PTPN14: variants seen among roughly 807,000 people sequenced by gnomAD.
PTPN14 encodes the protein protein tyrosine phosphatase non-receptor type 14.
PTPN14 carries 53 observed loss-of-function variants against 126.8 expected under a neutral mutation model. That is an observed-to-expected ratio of 0.42 (90% CI 0.34 to 0.53). The LOEUF (loss-of-function observed/expected upper bound fraction) is 0.53, where lower values mean the gene tolerates loss of function less well. Ranked by LOEUF, PTPN14 falls within the 20% of genes least tolerant of loss-of-function variation. The pLI is 0.08. For missense variants in PTPN14, 1,257 were observed against 1,552.9 expected (o/e 0.81, Z 3.20); for synonymous variants, 630 against 599.3 (o/e 1.05, Z -0.75).
At chr1:214,380,849 G>A (rs1658456205) in intron 13 of PTPN14, among the ~76,000 whole-genome samples, 1 of 152,156 alleles carries the variant, frequency 6.6e-6, no homozygotes, top group Admixed American at 6.5e-5. Context: ...GACTCATCTT[G>A]GGCTCAAAGC....
At chr1:214,399,385 T>C (rs1658965500) in intron 7 of PTPN14, among the ~76,000 whole-genome samples, 1 of 152,274 alleles carries the variant, frequency 6.6e-6, no homozygotes. Flanking sequence ...AGACAATCTC[T>C]GGATTTTCTC....
At chr1:214,457,513 C>T (rs1156771735) in intron 2 of PTPN14, among the ~76,000 whole-genome samples, 2 of 152,108 alleles carry the variant, frequency 1.3e-5, no homozygotes, top group Non-Finnish European at 1.5e-5. Context: ...CCTTCTTCCA[C>T]TTGTTAAGTT....
intron 17 of PTPN14, among the ~76,000 whole-genome samples, chr1:214,365,152 G>A (rs1469767075): frequency 6.6e-6 from 1 of 152,160 alleles, no homozygotes; most frequent in Non-Finnish European, 1.5e-5. Context: ...CCTCACTGAT[G>A]AGTGAATGTC....
rs779454963 is a variant in PTPN14 at position 214,464,748 on chromosome 1, T to C, written c.56A>G (p.Asn19Ser). Residue 19 changes from asparagine to serine, a missense_variant, in exon 2 of 19, where the codon AAC becomes AGC. Around this residue, in one of 3 missense-constraint regions of PTPN14, gnomAD observed 1,021 missense variants for 1,183.3 expected, o/e 0.86. Transcript: ENST00000366956. ...CAGGCGAATCCGTGTGACAAAGCAG[T>C]TCTTGCTCAGGACGTTGTAGCGCCG... ...RTRRYNVLSK[N>S]CFVTRIRLLD... 2 of 1,614,246 alleles carry C rather than the reference T, an allele frequency of 1.2e-6. No homozygotes were observed. The highest frequency in any genetic ancestry group is 1.7e-6 in the Non-Finnish European group (2 of 1,180,042).
At chr1:214,405,353 C>A (rs1036435705) in intron 5 of PTPN14, among the ~76,000 whole-genome samples, 4 of 152,126 alleles carry the variant, frequency 2.6e-5, no homozygotes, top group Admixed American at 2.6e-4. Flanking sequence ...TTGTCTCCCA[C>A]CCTCTATCAG....
At chr1:214,526,362 A>C (rs1275051752) in intron 1 of PTPN14, among the ~76,000 whole-genome samples, 1 of 152,192 alleles carries the variant, frequency 6.6e-6, no homozygotes, top group African/African-American at 2.4e-5. Context: ...ACCAACAGTA[A>C]TTCAAATACC....
At chr1:214,480,891 G>A (rs1430623292) in intron 1 of PTPN14, among the ~76,000 whole-genome samples, 1 of 152,134 alleles carries the variant, frequency 6.6e-6, no homozygotes, top group East Asian at 1.9e-4. Context: ...TGAAGTGATA[G>A]GTAAGGATAT....
At chr1:214,458,295 A>T (rs1036384775) in intron 2 of PTPN14, among the ~76,000 whole-genome samples, 1 of 152,010 alleles carries the variant, frequency 6.6e-6, no homozygotes, top group East Asian at 1.9e-4. Context: ...GTGACCTTCC[A>T]TCTTGGCCTC....
intron 3 of PTPN14, among the ~76,000 whole-genome samples, chr1:214,447,152 C>T (rs977982393): frequency 1.3e-5 from 2 of 152,152 alleles, no homozygotes; most frequent in Admixed American, 6.5e-5. Context: ...GTCATTAACC[C>T]GCTCCTAATG....
chr1:214,354,726 G>A lies in PTPN14; in HGVS notation c.*3196C>T, dbSNP rs745530905. 1 of 152,282 alleles carries A rather than the reference G, an allele frequency of 6.6e-6. No individual in the cohort carries two copies. Among genetic ancestry groups the A allele is most frequent in the Middle Eastern group, 3.4e-3 (1 of 294 alleles). The allele number at this position is 152,282 out of a possible 1,614,324, so 9.4% of individuals were successfully genotyped here. On this transcript the variant is annotated 3_prime_UTR_variant, in exon 19 of 19. Coordinates refer to ENST00000366956, the MANE Select transcript of PTPN14 (RefSeq NM_005401.5). ...TCAACTGGAAAACCTCGAAAACAGC[G>A]GCTGGAAAATGTTTGATGGCTTTGT...
intron 1 of PTPN14, among the ~76,000 whole-genome samples, chr1:214,541,478 T>C (rs1328023025): frequency 2.0e-5 from 3 of 152,168 alleles, no homozygotes; most frequent in African/African-American, 7.2e-5. Flanking sequence ...GTATGAGAGA[T>C]TGAGAGTTGA....
intron 3 of PTPN14, among the ~76,000 whole-genome samples, chr1:214,423,698 C>A (rs1306316888): frequency 3.9e-5 from 6 of 152,138 alleles, no homozygotes; most frequent in African/African-American, 1.4e-4. Flanking sequence ...ATCTGAGTAC[C>A]TGCAGGGCGT....
At chr1:214,413,404 T>C (rs1455781173) in intron 4 of PTPN14, among the ~76,000 whole-genome samples, 1 of 152,200 alleles carries the variant, frequency 6.6e-6, no homozygotes, top group Admixed American at 6.5e-5. Flanking sequence ...CTAACAGAAA[T>C]TGTTAAGTTG....
intron 3 of PTPN14, among the ~76,000 whole-genome samples, chr1:214,443,459 C>G (rs1433959915): frequency 6.6e-6 from 1 of 151,984 alleles, no homozygotes; most frequent in African/African-American, 2.4e-5. Flanking sequence ...TAGTTTTGTT[C>G]CCTTGAGGGT....
Position 214,377,947 on chromosome 1 carries a change from C to G in PTPN14, c.2688+12G>C, listed in dbSNP as rs1421798927. The G allele has an allele frequency of 2.5e-6, 4 of 1,609,024 alleles. No individual in the cohort carries two copies. Among genetic ancestry groups the G allele is most frequent in the Non-Finnish European group, 2.5e-6 (3 of 1,177,982 alleles). ...ACAGAGAATGAGTCACATTGACAAG[C>G]CTGCCACTTACCCTCTCGTCCATGG... On this transcript the variant is annotated intron_variant, in intron 14 of 18. Coordinates refer to ENST00000366956, the MANE Select transcript of PTPN14 (RefSeq NM_005401.5).
chr1:214,380,589 C>T (rs565537211), intron 13 of PTPN14, among the ~76,000 whole-genome samples: 1 of 152,174 alleles, frequency 6.6e-6, no homozygotes, highest in Non-Finnish European at 1.5e-5. Context: ...ACAAGCAGCT[C>T]CAGGAGAGCT....
intron 3 of PTPN14, among the ~76,000 whole-genome samples, chr1:214,415,050 G>A (rs1446750696): frequency 2.0e-5 from 3 of 152,160 alleles, no homozygotes; most frequent in Non-Finnish European, 4.4e-5. Flanking sequence ...TTGCACACCT[G>A]GAGACCCACG....
intron 1 of PTPN14, among the ~76,000 whole-genome samples, chr1:214,479,902 TTTAA>T (rs1660949101): frequency 6.7e-6 from 1 of 149,824 alleles, no homozygotes; most frequent in African/African-American, 2.4e-5. Context: ...ATTTCATCAT[TTTAA>T]TTATGTTTAA....
chr1:214,435,536 T>C (rs4465172), intron 3 of PTPN14, among the ~76,000 whole-genome samples: 140,042 of 152,086 alleles, frequency 0.92, 64,593 homozygotes, highest in African/African-American at 0.97. Flanking sequence ...GTAAACAATA[T>C]AGATTTTCAA....
Sources: gnomAD v4.1 joint callset for allele counts (sites outside exome capture counted in the v4.1 genomes callset) on GRCh38, gnomAD v4.1.1 for gene constraint, gnomAD v4.1.1 regional missense constraint, MANE v1.5 for transcripts, NCBI Gene and HGNC (gene_info 2026-07-23, HGNC 2026-07-21) for gene names.